SIPA1L2: variants seen among roughly 807,000 people sequenced by gnomAD.
The protein encoded by SIPA1L2 is signal-induced proliferation-associated 1-like protein 2.
Under a neutral mutation model 163.9 loss-of-function variants are expected in SIPA1L2, and 56 were observed. The observed-to-expected ratio is 0.34, with a 90% confidence interval of 0.28 to 0.43. The LOEUF is 0.43. Among genes scored for constraint, SIPA1L2 ranks in the 20% least tolerant of loss-of-function variants. SIPA1L2 has a pLI of 1.00. For synonymous variants in SIPA1L2, 877 were observed against 865.7 expected (o/e 1.01, Z -0.23); for missense variants, 1,974 against 2,193.5 (o/e 0.90, Z 2.00).
chr1:232,411,023 A>G (rs1331484803), intron 19 of SIPA1L2, among the ~76,000 whole-genome samples: 1 of 152,160 alleles, frequency 6.6e-6, no homozygotes. Context: ...TTTCTGGGTA[A>G]ATAAAGAGCC....
chr1:232,516,700 T>A (rs1004565396), intron 2 of SIPA1L2, among the ~76,000 whole-genome samples: 6 of 152,140 alleles, frequency 3.9e-5, no homozygotes, highest in Non-Finnish European at 1.5e-5. Flanking sequence ...TTCTAAGACA[T>A]TCCCACATGC....
intron 8 of SIPA1L2, 44 bp downstream of exon 8, chr1:232,471,327 G>C: frequency 6.4e-7 from 1 of 1,560,402 alleles, no homozygotes; most frequent in African/African-American, 1.4e-5. Context: ...ACGCCCTGTT[G>C]AAATAAACCT....
At chr1:232,428,062 T>C (rs1052938785) in intron 17 of SIPA1L2, among the ~76,000 whole-genome samples, 1 of 152,206 alleles carries the variant, frequency 6.6e-6, no homozygotes, top group African/African-American at 2.4e-5. Flanking sequence ...ACAATTCAGT[T>C]ATTATGATCT....
intron 1 of SIPA1L2, among the ~76,000 whole-genome samples, chr1:232,628,784 A>T (rs1037419665): frequency 1.3e-5 from 2 of 152,236 alleles, no homozygotes; most frequent in Non-Finnish European, 2.9e-5. Context: ...GTCTGTCATA[A>T]GAAAGCCATC....
chr1:232,583,085 C>T (rs1660467297), intron 1 of SIPA1L2, among the ~76,000 whole-genome samples: 1 of 152,194 alleles, frequency 6.6e-6, no homozygotes, highest in Admixed American at 6.5e-5. Flanking sequence ...CTTGTTCTCA[C>T]ACTCAAATAG....
In SIPA1L2 at chr1:232,437,650, C is replaced by T. The variant is rs565545642; in HGVS notation, c.4031+1458G>A. Among the ~76,000 whole-genome samples the T allele has an allele frequency of 6.9e-4, 105 of 152,224 alleles. No homozygotes were observed. The Middle Eastern group carries it at 0.014, about 20-fold the overall frequency. On this transcript the variant is annotated intron_variant, in intron 15 of 22. Coordinates refer to ENST00000674635, the MANE Select transcript of SIPA1L2 (RefSeq NM_020808.5). ...CACAGCTTGGTGACAGGGACTGACC[C>T]CCAGCCCAGGCTGAGGGCCCCAAGT...
At chr1:232,454,059 T>A (rs1045411222) in intron 10 of SIPA1L2, among the ~76,000 whole-genome samples, 1 of 152,154 alleles carries the variant, frequency 6.6e-6, no homozygotes, top group African/African-American at 2.4e-5. Flanking sequence ...AAACTCTTTC[T>A]GGTACATAAA....
intron 3 of SIPA1L2, among the ~76,000 whole-genome samples, chr1:232,510,425 G>A (rs538716918): frequency 6.6e-6 from 1 of 152,282 alleles, no homozygotes; most frequent in Non-Finnish European, 1.5e-5. Flanking sequence ...CAGAACCAGA[G>A]AGTGTGCCCA....
chr1:232,490,823 A>C (rs773446423), intron 5 of SIPA1L2, 51 bp downstream of exon 5: 4 of 1,533,540 alleles, frequency 2.6e-6, no homozygotes, highest in Admixed American at 2.0e-5. Flanking sequence ...CAAAACTTTC[A>C]GAAACAGACA....
At chr1:232,435,627 G>C (rs1174503293) in intron 15 of SIPA1L2, among the ~76,000 whole-genome samples, 2 of 152,094 alleles carry the variant, frequency 1.3e-5, no homozygotes, top group Non-Finnish European at 2.9e-5. Context: ...CAGAACATGG[G>C]GTTTGTTTTT....
At chr1:232,437,056 A>G (rs1662607467) in intron 15 of SIPA1L2, among the ~76,000 whole-genome samples, 1 of 152,232 alleles carries the variant, frequency 6.6e-6, no homozygotes, top group Admixed American at 6.5e-5. Context: ...ATACTTTCTA[A>G]TAGTCTAGCC....
intron 1 of SIPA1L2, among the ~76,000 whole-genome samples, chr1:232,610,203 T>A (rs1662170402): frequency 6.6e-6 from 1 of 152,250 alleles, no homozygotes. Context: ...CATGTTTTTT[T>A]AATAATGAAT....
intron 2 of SIPA1L2, among the ~76,000 whole-genome samples, chr1:232,540,227 C>T (rs535810465): frequency 2.6e-5 from 4 of 152,212 alleles, no homozygotes; most frequent in Admixed American, 6.5e-5. Flanking sequence ...TCACTTGAAC[C>T]CGGGAGGTGG....
At position 232,425,777 on chromosome 1, in the gene SIPA1L2, C is replaced by T. The variant is rs771413268; in HGVS notation, c.4442G>A (p.Arg1481Lys). Reference protein sequence around the residue: ...FSFYGNLSPRRSLYRTLSDES... With the variant: ...FSFYGNLSPRKSLYRTLSDES... ...GTCAGACAGCGTGCGGTAAAGCGAC[C>T]TCCTTGGAGACAGGTTCCCATAGAA... is the stretch of plus-strand genomic sequence containing the variant. Residue 1481 changes from arginine (R) to lysine (K), a missense_variant, in exon 18 of 23, where the codon AGG (arginine) becomes AAG (lysine). By Grantham distance (26) the Arg-to-Lys change is conservative. Around this residue, in one of 3 missense-constraint regions of SIPA1L2, gnomAD observed 1,079 missense variants for 1,150.7 expected, o/e 0.94. Transcript: ENST00000674635. The T allele has an allele frequency of 6.2e-7, 1 of 1,613,986 alleles. No homozygotes were observed. The highest frequency in any genetic ancestry group is 1.7e-5 in the Admixed American group (1 of 60,008).
chr1:232,619,211 C>T (rs111872318), intron 1 of SIPA1L2, among the ~76,000 whole-genome samples: 19 of 152,172 alleles, frequency 1.2e-4, no homozygotes, highest in Non-Finnish European at 2.1e-4. Flanking sequence ...AACAAAAACT[C>T]AAATCCTAAC....
At chr1:232,452,735 G>C (rs1663659950) in intron 10 of SIPA1L2, among the ~76,000 whole-genome samples, 1 of 152,132 alleles carries the variant, frequency 6.6e-6, no homozygotes, top group African/African-American at 2.4e-5. Flanking sequence ...AGGAACCCTA[G>C]ATACCAAACT....
chr1:232,538,437 A>G (rs926546467), intron 2 of SIPA1L2, among the ~76,000 whole-genome samples: 2 of 152,140 alleles, frequency 1.3e-5, no homozygotes, highest in African/African-American at 4.8e-5. Context: ...TGCCTCCGCA[A>G]TATCTGATCC....
intron 2 of SIPA1L2, among the ~76,000 whole-genome samples, chr1:232,522,530 A>G (rs1298548271): frequency 1.4e-5 from 2 of 147,952 alleles, no homozygotes; most frequent in Non-Finnish European, 3.0e-5. Flanking sequence ...AAGTTACACC[A>G]GACTATTCTA....
intron 10 of SIPA1L2, among the ~76,000 whole-genome samples, chr1:232,459,273 C>T (rs561600345): frequency 5.3e-5 from 8 of 152,258 alleles, no homozygotes; most frequent in African/African-American, 1.9e-4. Flanking sequence ...CACTACAGTT[C>T]ATGTACGTAA....
Sources: allele counts gnomAD v4.1 joint callset (sites outside exome capture counted in the v4.1 genomes callset), GRCh38; gene constraint gnomAD v4.1.1; regional missense constraint gnomAD v4.1.1; transcripts MANE v1.5; gene names NCBI Gene and HGNC (gene_info 2026-07-23, HGNC 2026-07-21).